Variants in ZMYND8 observed in about 807,000 individuals in gnomAD.
ZMYND8 encodes zinc finger MYND-type containing 8, also known as MYND-type zinc finger-containing chromatin reader ZMYND8.
Under a neutral mutation model 140.8 loss-of-function variants are expected in ZMYND8, and 37 were observed. The observed-to-expected ratio is 0.26, with a 90% CI of 0.20 to 0.35. The LOEUF is 0.35. ZMYND8 is among the 10% of genes least tolerant of loss of function. The probability of loss-of-function intolerance (pLI) is 1.00; values close to 1 mark genes in which losing one functional copy is unlikely to be tolerated. For missense variants in ZMYND8, 1,068 were observed against 1,570.0 expected, an observed-to-expected ratio of 0.68 and a Z score of 5.40; for synonymous variants, 592 against 597.1, an observed-to-expected ratio of 0.99 and a Z score of 0.12.
chr20:47,322,587 C>T (rs1424719567), intron 2 of ZMYND8, among the ~76,000 whole-genome samples: 1 of 151,730 alleles, frequency 6.6e-6, no homozygotes, highest in African/African-American at 2.4e-5. Context: ...ACTACAGGCA[C>T]GTACCACCAC....
At chr20:47,268,779 A>C (rs1406991137) in intron 11 of ZMYND8, among the ~76,000 whole-genome samples, 1 of 151,844 alleles carries the variant, frequency 6.6e-6, no homozygotes, top group Non-Finnish European at 1.5e-5. Flanking sequence ...ATCTCAAAAA[A>C]AAAGAAAAAG....
chr20:47,306,536 C>A (rs1432409471), intron 3 of ZMYND8, among the ~76,000 whole-genome samples: 1 of 151,544 alleles, frequency 6.6e-6, no homozygotes, highest in Admixed American at 6.6e-5. Context: ...GGTAATAAAA[C>A]ATCTCTACCA....
chr20:47,240,313 A>G (rs1458928211), intron 14 of ZMYND8, among the ~76,000 whole-genome samples: 1 of 151,894 alleles, frequency 6.6e-6, no homozygotes, highest in East Asian at 2.0e-4. Context: ...TCAGGAGTTC[A>G]AGAGCAGCCT....
At position 47,249,293 on chromosome 20, in the gene ZMYND8, G is replaced by A; in HGVS notation, c.1768C>T (p.Gln590Ter). 6.2e-7 allele frequency: 1 copy of A among 1,612,414 alleles called. No homozygotes were observed. The highest frequency in any genetic ancestry group is 8.5e-7 in the Non-Finnish European group (1 of 1,179,526). ...AACAAAACCAAAGGTATACCTAATT[G>A]TGCTTTGCAACTCTCTATGGTCTTG... ...LDKTIESCKA[Q>*]LGINEISEDV... Residue 590 changes from glutamine to a stop codon, truncating the protein, a stop_gained, in exon 13 of 23, where the codon CAA becomes TAA. Transcript: ENST00000471951. LOFTEE classifies it high-confidence loss of function.
chr20:47,238,909 C>G lies in ZMYND8; in HGVS notation c.2514G>C (p.Val838=). The G allele has an allele frequency of 6.2e-7, 1 of 1,614,136 alleles. No individual in the cohort carries two copies. The highest frequency in any genetic ancestry group is 8.5e-7 in the Non-Finnish European group (1 of 1,180,052). Residue 838 remains valine (V), a synonymous_variant, in exon 15 of 23, where the codon GTG becomes GTC. Transcript: ENST00000471951. ...TTTGAAACTTACTTGATGAGTTCCA[C>G]ACGACCCGCTGCACGGCCGGGGCAG... ...KETAPAVQRV[V]WNSSSKFQTS... is the part of the protein sequence containing the mutation.
At chr20:47,218,603 T>C (rs141537845) in intron 21 of ZMYND8, among the ~76,000 whole-genome samples, 7 of 152,278 alleles carry the variant, frequency 4.6e-5, no homozygotes, top group African/African-American at 7.2e-5. Context: ...GCGGCTAAAA[T>C]CTAGAGTCTG....
At chr20:47,224,679 G>C (rs1033779880) in intron 18 of ZMYND8, 123 bp from the exon 19 acceptor site, 1 of 1,517,082 alleles carries the variant, frequency 6.6e-7, no homozygotes, top group African/African-American at 1.4e-5. Context: ...CCCTGGCTGT[G>C]TGCCCATGGG....
intron 14 of ZMYND8, among the ~76,000 whole-genome samples, chr20:47,243,259 T>C (rs1568969942): frequency 6.6e-6 from 1 of 152,204 alleles, no homozygotes. Context: ...AAACACATCA[T>C]TGAAAAGATG....
At chr20:47,334,179 G>A (rs969281889) in intron 2 of ZMYND8, among the ~76,000 whole-genome samples, 3 of 152,066 alleles carry the variant, frequency 2.0e-5, no homozygotes, top group African/African-American at 4.8e-5. Context: ...GTTTACCCTC[G>A]TGATCATGTG....
chr20:47,229,396 A>G (rs2038169802), intron 17 of ZMYND8, among the ~76,000 whole-genome samples: 1 of 152,190 alleles, frequency 6.6e-6, no homozygotes, highest in Non-Finnish European at 1.5e-5. Context: ...TGTATTAAAA[A>G]GTCCAAACTT....
intron 6 of ZMYND8, among the ~76,000 whole-genome samples, chr20:47,290,663 C>T (rs6094653): frequency 0.028 from 3,720 of 133,358 alleles, 162 homozygotes; most frequent in African/African-American, 0.1. Context: ...GTGATCTCGG[C>T]TCACTGCAAC....
At chr20:47,345,349 G>T (rs1395307299) in intron 2 of ZMYND8, among the ~76,000 whole-genome samples, 1 of 151,978 alleles carries the variant, frequency 6.6e-6, no homozygotes, top group Non-Finnish European at 1.5e-5. Context: ...AAGTGAAGTT[G>T]GGGGAGAAAT....
intron 21 of ZMYND8, 141 bp downstream of exon 21, chr20:47,220,117 A>G: frequency 3.3e-6 from 2 of 607,154 alleles, no homozygotes; most frequent in Non-Finnish European, 5.7e-6. Context: ...ACCCCCACTG[A>G]CCCACCCCAG....
chr20:47,283,780 C>A, intron 8 of ZMYND8, 132 bp from the exon 9 acceptor site: 1 of 835,264 alleles, frequency 1.2e-6, no homozygotes, highest in Non-Finnish European at 1.9e-6. Context: ...GAGATGAATC[C>A]AACCACTATG....
chr20:47,249,353 G>A lies in ZMYND8; in HGVS notation c.1708C>T (p.Arg570Cys), dbSNP rs781754979. 6.8e-6 allele frequency: 11 copies of A among 1,614,008 alleles called. No individual in the cohort carries two copies. The highest frequency in any genetic ancestry group is 8.5e-6 in the Non-Finnish European group (10 of 1,180,032). Residue 570 changes from arginine to cysteine, a missense_variant, in exon 13 of 23, where the codon CGC (arginine) becomes TGC (cysteine). Arg to Cys is a radical substitution (Grantham distance 180). Transcript: ENST00000471951. The part of the protein sequence containing the change: ...STPVPLISPK[R>C]QIRSRFQLNL... ...AGCTGGAACCTGCTACGAATCTGGC[G>A]CTTGGGAGAGATGAGAGGAACAGGG...
chr20:47,307,368 G>A (rs1189887361), intron 3 of ZMYND8, among the ~76,000 whole-genome samples: 1 of 152,040 alleles, frequency 6.6e-6, no homozygotes, highest in Non-Finnish European at 1.5e-5. Flanking sequence ...TGAAGCAGGA[G>A]AATCGCTTGA....
rs571601246 is a variant in ZMYND8 at position 47,248,722 on chromosome 20, A to G, written c.1774+565T>C. 5.9e-5 allele frequency among the ~76,000 whole-genome samples: 9 copies of G among 152,352 alleles called. No individual in the cohort carries two copies. The South Asian group carries it at 1.7e-3, about 28-fold the overall frequency. ...TGCTACTTCCGAGCAATGAAGTACC[A>G]AAGGAGGAGGGCAGATGGGGAGGGC... On this transcript the variant is annotated intron_variant, in intron 13 of 22. Transcript: ENST00000471951.
At chr20:47,301,622 G>A (rs1220648981) in intron 3 of ZMYND8, among the ~76,000 whole-genome samples, 3 of 151,704 alleles carry the variant, frequency 2.0e-5, no homozygotes, top group Non-Finnish European at 2.9e-5. Flanking sequence ...ACCCAGAAAG[G>A]TACTAAGAGC....
intron 21 of ZMYND8, among the ~76,000 whole-genome samples, chr20:47,213,368 A>C (rs1187880598): frequency 6.6e-6 from 1 of 152,230 alleles, no homozygotes; most frequent in African/African-American, 2.4e-5. Flanking sequence ...ATTGAAAGTA[A>C]GATCAAGAGA....
Sources: allele counts gnomAD v4.1 joint callset (sites outside exome capture counted in the v4.1 genomes callset), GRCh38; gene constraint gnomAD v4.1.1; transcripts MANE v1.5; gene names NCBI Gene and HGNC (gene_info 2026-07-23, HGNC 2026-07-21).